RBM27: variants seen among roughly 807,000 people sequenced by gnomAD.
The protein encoded by RBM27 is RNA binding motif protein 27.
A neutral mutation model predicts 135.3 loss-of-function variants in RBM27; 22 were observed. The ratio of observed to expected loss-of-function variants is 0.16; its 90% CI spans 0.12 to 0.23. The LOEUF (loss-of-function observed/expected upper bound fraction) is 0.23. RBM27 is among the 10% of genes least tolerant of loss of function. The pLI is 1.00. For missense variants in RBM27, 1,009 were observed against 1,281.0 expected (o/e 0.79, Z 3.24); for synonymous variants, 481 against 442.4 (o/e 1.09, Z -1.10).
At chr5:146,273,818 G>A (rs1370067620) in intron 19 of RBM27, among the ~76,000 whole-genome samples, 2 of 152,136 alleles carry the variant, frequency 1.3e-5, no homozygotes, top group Admixed American at 1.3e-4. Context: ...AAGCTATTTG[G>A]AATCTAATTC....
At chr5:146,208,131 A>C (rs757707181) in intron 1 of RBM27, among the ~76,000 whole-genome samples, 29 of 150,654 alleles carry the variant, frequency 1.9e-4, no homozygotes, top group Non-Finnish European at 3.2e-4. Context: ...TAATTTTTGT[A>C]TTTTTAGTAG....
intron 2 of RBM27, among the ~76,000 whole-genome samples, chr5:146,220,302 C>G (rs1317350171): frequency 6.6e-6 from 1 of 151,796 alleles, no homozygotes; most frequent in African/African-American, 2.4e-5. Flanking sequence ...ACGGTGAAAC[C>G]CCATCTCTAC....
At chr5:146,260,229 G>A (rs1379944944) in intron 11 of RBM27, among the ~76,000 whole-genome samples, 2 of 151,962 alleles carry the variant, frequency 1.3e-5, no homozygotes, top group South Asian at 2.1e-4. Context: ...AACTTGGGAG[G>A]TGGAGGTTGC....
intron 8 of RBM27, among the ~76,000 whole-genome samples, chr5:146,249,986 A>C (rs969103993): frequency 1.2e-4 from 18 of 152,164 alleles, no homozygotes; most frequent in Admixed American, 2.0e-4. Context: ...ATGATTTGTT[A>C]CTTCCTCTTT....
At chr5:146,206,296 G>T (rs116396687) in intron 1 of RBM27, among the ~76,000 whole-genome samples, 3,075 of 106,022 alleles carry the variant, frequency 0.029, 125 homozygotes, top group African/African-American at 0.1. Flanking sequence ...AGTGCTTTTC[G>T]TTTTTTGTTT....
At chr5:146,245,275 C>T in intron 8 of RBM27, 1 of 152,080 alleles carries the variant, frequency 6.6e-6, no homozygotes, top group Non-Finnish European at 1.5e-5. Flanking sequence ...TTTGAACTCA[C>T]CAACTCAGTA....
Position 146,241,852 on chromosome 5 carries a change from G to A in RBM27, c.1279+4420G>A, listed in dbSNP as rs1450448117. Among the ~76,000 whole-genome samples the A allele has an allele frequency of 4.6e-5, 7 of 152,306 alleles. No individual in the cohort carries two copies. In the South Asian group the frequency reaches 1.2e-3, roughly 27 times the overall value. On this transcript the variant is annotated intron_variant, in intron 8 of 20. Coordinates refer to ENST00000265271, the MANE Select transcript of RBM27 (RefSeq NM_018989.2). ...TTGTTATTTTGCCAGGTTAAGGTCT[G>A]TATATGAAAATATCTAATACTTTAA...
chr5:146,239,467 C>CTTTTTTTTTTT (rs368919868), intron 8 of RBM27, among the ~76,000 whole-genome samples: 1 of 130,814 alleles, frequency 7.6e-6, no homozygotes, highest in African/African-American at 3.0e-5. Context: ...TTTTTTTTTC[C>CTTTTTTTTTTT]TTTTCTTTTT....
chr5:146,204,212 G>A (rs530893856), intron 1 of RBM27, among the ~76,000 whole-genome samples: 1 of 152,314 alleles, frequency 6.6e-6, no homozygotes, highest in Admixed American at 6.5e-5. Flanking sequence ...GGGAATAGCA[G>A]AATATCAAGG....
intron 17 of RBM27, 36 bp from the exon 18 acceptor site, chr5:146,270,918 C>A (rs1054981295): frequency 2.9e-6 from 4 of 1,388,706 alleles, no homozygotes; most frequent in South Asian, 1.2e-5. Flanking sequence ...TGTAAGTTAT[C>A]TAAAAAATAC....
chr5:146,252,234 C>CA (rs1031756304), intron 9 of RBM27, among the ~76,000 whole-genome samples: 3 of 152,154 alleles, frequency 2.0e-5, no homozygotes, highest in Non-Finnish European at 4.4e-5. Context: ...TTCTTTAAAA[C>CA]AAAACAAAAA....
At chr5:146,243,179 T>C (rs1757479550) in intron 8 of RBM27, among the ~76,000 whole-genome samples, 1 of 151,980 alleles carries the variant, frequency 6.6e-6, no homozygotes, top group Admixed American at 6.6e-5. Flanking sequence ...GGCCAGAGAA[T>C]CACTTGAGCC....
At chr5:146,231,084 C>T (rs187130194) in intron 6 of RBM27, among the ~76,000 whole-genome samples, 167 bp downstream of exon 6, 60 of 152,122 alleles carry the variant, frequency 3.9e-4, no homozygotes, top group Admixed American at 3.7e-3. Flanking sequence ...TGCAGTGGCT[C>T]GATCTTGGCT....
chr5:146,230,014 C>A, intron 5 of RBM27, 104 bp downstream of exon 5: 1 of 1,342,728 alleles, frequency 7.4e-7, no homozygotes, highest in Non-Finnish European at 1.0e-6. Flanking sequence ...TATGTCTGAG[C>A]AGTGTAAAAA....
In RBM27 at chr5:146,233,708, G is replaced by A. The variant is rs776546204; in HGVS notation, c.1109G>A (p.Gly370Asp). 6.8e-7 allele frequency: 1 copy of A among 1,480,190 alleles called. No individual in the cohort carries two copies. Among genetic ancestry groups the A allele is most frequent in the South Asian group, 1.5e-5 (1 of 68,648 alleles). The allele number at this position is 1,480,190 out of a possible 1,614,324, so 91.7% of individuals were successfully genotyped here. The change falls in exon 7 of 21, where the codon GGT becomes GAT. Residue 370 changes from glycine to aspartate, a missense_variant. Gly to Asp is a moderately conservative substitution (Grantham distance 94). Around this residue, in one of 6 missense-constraint regions of RBM27, gnomAD observed 329 missense variants for 368.1 expected, o/e 0.89. Coordinates refer to ENST00000265271, the MANE Select transcript of RBM27 (RefSeq NM_018989.2). ...SMRLPVPQGH[G>D]QPPPSVVLPI... ...AGACTTCCTGTTCCCCAAGGACATG[G>A]TCAGCCTCCACCATCCGTTGTGCTT...
intron 2 of RBM27, among the ~76,000 whole-genome samples, chr5:146,220,280 A>G (rs1209944706): frequency 6.6e-6 from 1 of 152,130 alleles, no homozygotes; most frequent in Non-Finnish European, 1.5e-5. Context: ...GATCGAGACC[A>G]TCCTGGCCAA....
chr5:146,240,485 C>A (rs983699151), intron 8 of RBM27, among the ~76,000 whole-genome samples: 1 of 152,130 alleles, frequency 6.6e-6, no homozygotes, highest in African/African-American at 2.4e-5. Context: ...CACCACCACA[C>A]CTGGCTAATT....
At chr5:146,246,313 A>C (rs72806116) in intron 8 of RBM27, among the ~76,000 whole-genome samples, 10,172 of 152,280 alleles carry the variant, frequency 0.067, 388 homozygotes, top group African/African-American at 0.082. Context: ...GGTTGAATAA[A>C]GACTGTCTTT....
At chr5:146,255,726 T>TA (rs1758072144) in intron 10 of RBM27, among the ~76,000 whole-genome samples, 1 of 152,320 alleles carries the variant, frequency 6.6e-6, no homozygotes, top group Admixed American at 6.5e-5. Flanking sequence ...TTCTAGCTAT[T>TA]ATGAATTTCC....
Sources: gnomAD v4.1 joint callset for allele counts (sites outside exome capture counted in the v4.1 genomes callset) on GRCh38, gnomAD v4.1.1 for gene constraint, gnomAD v4.1.1 regional missense constraint, MANE v1.5 for transcripts, NCBI Gene and HGNC (gene_info 2026-07-23, HGNC 2026-07-21) for gene names.